The following DPP10 variants were observed in gnomAD, a reference collection of about 807,000 sequenced individuals.
The protein encoded by DPP10 is inactive dipeptidyl peptidase 10.
Under a neutral mutation model 120.9 loss-of-function variants are expected in DPP10, and 33 were observed. The observed-to-expected ratio is 0.27, with a 90% CI of 0.21 to 0.37. The LOEUF is 0.37. DPP10 is among the 10% of genes least tolerant of loss of function. The probability of loss-of-function intolerance (pLI) is 1.00; values close to 1 mark genes in which losing one functional copy is unlikely to be tolerated. For missense variants in DPP10, 816 were observed against 942.8 expected (o/e 0.87, Z 1.76); for synonymous variants, 337 against 326.1 (o/e 1.03, Z -0.36).
At chr2:114,497,447 A>C (rs1682775380) in intron 1 of DPP10, among the ~76,000 whole-genome samples, 1 of 150,824 alleles carries the variant, frequency 6.6e-6, no homozygotes, top group Non-Finnish European at 1.5e-5. Flanking sequence ...ATATATATAG[A>C]TGCATCTATT....
At chr2:115,059,552 C>G (rs978282004) in intron 1 of DPP10, among the ~76,000 whole-genome samples, 1 of 151,992 alleles carries the variant, frequency 6.6e-6, no homozygotes, top group Non-Finnish European at 1.5e-5. Flanking sequence ...ACCATGACAA[C>G]TGGTTCAGAG....
At chr2:115,084,721 C>T (rs948108599) in intron 1 of DPP10, among the ~76,000 whole-genome samples, 7 of 152,122 alleles carry the variant, frequency 4.6e-5, no homozygotes, top group Non-Finnish European at 8.8e-5. Context: ...GTCCTTCCTC[C>T]GAGAGCTCAG....
At chr2:115,323,774 T>C (rs1417882854) in intron 2 of DPP10, among the ~76,000 whole-genome samples, 5 of 152,180 alleles carry the variant, frequency 3.3e-5, no homozygotes, top group African/African-American at 1.2e-4. Context: ...AGCAGTGATA[T>C]TTTAAAAGGA....
Position 115,134,554 on chromosome 2 carries a change from C to T in DPP10, c.61-174685C>T, listed in dbSNP as rs2050549008. 2.6e-5 allele frequency among the ~76,000 whole-genome samples: 4 copies of T among 152,302 alleles called. 1 individual carries two copies. The South Asian group carries it at 8.3e-4, about 32-fold the overall frequency. The stretch of plus-strand genomic sequence containing the variant: ...TACATGATAAAGCCAGAATTTAAAT[C>T]TGTATGTCTGATTCCAAAATCTTTG... On this transcript the variant is annotated intron_variant, in intron 1 of 25. Transcript: ENST00000410059.
chr2:115,565,779 GT>G (rs1208433324), intron 5 of DPP10, among the ~76,000 whole-genome samples: 3 of 101,562 alleles, frequency 3.0e-5, no homozygotes, highest in East Asian at 2.9e-4. Context: ...GTTTTTTTTT[GT>G]TTTTTTTTGT....
At chr2:115,815,112 T>A in intron 20 of DPP10, 125 bp downstream of exon 20, 1 of 952,638 alleles carries the variant, frequency 1.0e-6, no homozygotes, top group South Asian at 3.4e-5. Flanking sequence ...TGTAAGTTAA[T>A]CATAAAGCCT....
At chr2:115,761,797 A>C (rs1194809973) in intron 11 of DPP10, among the ~76,000 whole-genome samples, 3 of 152,138 alleles carry the variant, frequency 2.0e-5, no homozygotes, top group Non-Finnish European at 4.4e-5. Context: ...ATAATTTATT[A>C]TTAACAATTT....
At chr2:115,626,778 T>C (rs1486620041) in intron 5 of DPP10, among the ~76,000 whole-genome samples, 1 of 152,170 alleles carries the variant, frequency 6.6e-6, no homozygotes, top group Non-Finnish European at 1.5e-5. Context: ...CAAGCACATT[T>C]TCATCCATCT....
At chr2:115,641,286 A>G (rs2086758277) in intron 5 of DPP10, among the ~76,000 whole-genome samples, 1 of 152,102 alleles carries the variant, frequency 6.6e-6, no homozygotes, top group Non-Finnish European at 1.5e-5. Context: ...ATAAGAGGAG[A>G]ATCAGGACAA....
intron 3 of DPP10, among the ~76,000 whole-genome samples, chr2:115,437,525 A>C (rs2071604007): frequency 6.6e-6 from 1 of 152,074 alleles, no homozygotes; most frequent in Non-Finnish European, 1.5e-5. Context: ...AATGATCTTC[A>C]GGTTGATAAG....
At chr2:114,600,016 T>A (rs1001298782) in intron 1 of DPP10, among the ~76,000 whole-genome samples, 1 of 151,730 alleles carries the variant, frequency 6.6e-6, no homozygotes, top group South Asian at 2.1e-4. Context: ...ATTTTTTTAA[T>A]GTGTATTCTG....
intron 3 of DPP10, among the ~76,000 whole-genome samples, chr2:115,382,207 G>A (rs1034585311): frequency 2.4e-4 from 36 of 152,148 alleles, no homozygotes; most frequent in Non-Finnish European, 4.4e-4. Flanking sequence ...ATCAATCAGC[G>A]AGACTCTGTG....
chr2:115,635,121 C>T (rs1286883866), intron 5 of DPP10, among the ~76,000 whole-genome samples: 8 of 151,756 alleles, frequency 5.3e-5, no homozygotes, highest in African/African-American at 1.2e-4. Context: ...CCCCTCCTCC[C>T]GGAACTCAGT....
chr2:115,033,773 T>C (rs1375353959), intron 1 of DPP10, among the ~76,000 whole-genome samples: 2 of 151,254 alleles, frequency 1.3e-5, no homozygotes, highest in Non-Finnish European at 2.9e-5. Flanking sequence ...CAATCATAGC[T>C]CTCTGCAGCC....
chr2:115,327,896 C>T (rs181319070), intron 2 of DPP10, among the ~76,000 whole-genome samples: 74 of 152,054 alleles, frequency 4.9e-4, no homozygotes, highest in African/African-American at 1.7e-3. Flanking sequence ...GTCACAGTGT[C>T]GACTTATGAA....
chr2:115,361,279 C>G (rs1477477041), intron 3 of DPP10, among the ~76,000 whole-genome samples: 1 of 152,006 alleles, frequency 6.6e-6, no homozygotes, highest in African/African-American at 2.4e-5. Context: ...TGTTCAAATT[C>G]TAGGGAGTTG....
intron 1 of DPP10, among the ~76,000 whole-genome samples, chr2:114,925,149 T>C (rs1195483723): frequency 5.6e-5 from 8 of 143,404 alleles, no homozygotes; most frequent in African/African-American, 2.1e-4. Context: ...AGGCAGAGGC[T>C]GCAGTGAGCC....
intron 1 of DPP10, among the ~76,000 whole-genome samples, chr2:114,945,863 G>A (rs1697311420): frequency 1.3e-5 from 2 of 152,138 alleles, no homozygotes; most frequent in African/African-American, 4.8e-5. Context: ...TCACAGTGGA[G>A]AAACCTCATA....
chr2:115,428,159 G>C (rs1236424935), intron 3 of DPP10, among the ~76,000 whole-genome samples: 1 of 152,164 alleles, frequency 6.6e-6, no homozygotes, highest in Non-Finnish European at 1.5e-5. Context: ...ATCACTATCA[G>C]AATTTTGGTC....
Sources: gnomAD v4.1 joint callset for allele counts (sites outside exome capture counted in the v4.1 genomes callset) on GRCh38, gnomAD v4.1.1 for gene constraint, MANE v1.5 for transcripts, NCBI Gene and HGNC (gene_info 2026-07-23, HGNC 2026-07-21) for gene names.